FGF14: variants seen among roughly 807,000 people sequenced by gnomAD.
FGF14 encodes fibroblast growth factor 14.
A neutral mutation model predicts 25.5 loss-of-function variants in FGF14; 5 were observed. The ratio of observed to expected loss-of-function variants is 0.20; its 90% CI spans 0.10 to 0.41. FGF14 has a LOEUF of 0.41. FGF14 is among the 10% of genes least tolerant of loss of function. The pLI, the probability that FGF14 is intolerant of heterozygous loss-of-function variation, is 1.00. For missense variants in FGF14, 222 were observed against 320.1 expected (o/e 0.69, Z 2.34); for synonymous variants, 138 against 118.3 (o/e 1.17, Z -1.08).
intron 1 of FGF14, among the ~76,000 whole-genome samples, chr13:102,266,377 A>G (rs1178193610): frequency 6.6e-6 from 1 of 152,150 alleles, no homozygotes; most frequent in African/African-American, 2.4e-5. Flanking sequence ...AGGTCACCAT[A>G]TCAGTGATAA....
chr13:101,774,164 A>G (rs562484921), intron 3 of FGF14, among the ~76,000 whole-genome samples: 1 of 152,256 alleles, frequency 6.6e-6, no homozygotes, highest in Non-Finnish European at 1.5e-5. Flanking sequence ...AGTCTGAAAA[A>G]GCTAAGATTA....
chr13:101,993,613 GTA>G (rs1171740895), intron 1 of FGF14, among the ~76,000 whole-genome samples: 1 of 152,056 alleles, frequency 6.6e-6, no homozygotes, highest in East Asian at 1.9e-4. Context: ...ACAATAAGCA[GTA>G]TTGTGTTATT....
At chr13:102,070,752 G>A (rs1426452682) in intron 1 of FGF14, among the ~76,000 whole-genome samples, 2 of 152,150 alleles carry the variant, frequency 1.3e-5, no homozygotes, top group East Asian at 1.9e-4. Flanking sequence ...TAAGACAAAT[G>A]TGGTATATTT....
chr13:102,124,142 C>G (rs1422953733), intron 1 of FGF14, among the ~76,000 whole-genome samples: 4 of 151,854 alleles, frequency 2.6e-5, no homozygotes, highest in Non-Finnish European at 4.4e-5. Context: ...CAAGGTAGTG[C>G]TATAAAGAGG....
intron 1 of FGF14, among the ~76,000 whole-genome samples, chr13:102,389,959 G>A (rs2058394410): frequency 6.6e-6 from 1 of 152,188 alleles, no homozygotes; most frequent in Non-Finnish European, 1.5e-5. Flanking sequence ...ACCCTTGGTA[G>A]TTCCTGAAAT....
intron 1 of FGF14, among the ~76,000 whole-genome samples, chr13:102,117,350 T>C (rs912486926): frequency 9.2e-5 from 14 of 152,206 alleles, no homozygotes; most frequent in African/African-American, 3.4e-4. Context: ...ACTTGCTCCA[T>C]GTTCTGGGCC....
At position 102,178,372 on chromosome 13, in the gene FGF14, T is replaced by C. The variant is rs188763637; in HGVS notation, c.208+223099A>G. The stretch of plus-strand genomic sequence containing the variant: ...ATCACCTAGATCTCTAATATAACTC[T>C]TGAATATTCACCATTAATTATTTTA... On this transcript the variant is annotated intron_variant, in intron 1 of 4. Transcript: ENST00000376131. Among the ~76,000 whole-genome samples the C allele has an allele frequency of 7.9e-5, 12 of 152,290 alleles. No individual in the cohort carries two copies. The East Asian group carries it at 2.3e-3, about 29-fold the overall frequency.
intron 1 of FGF14, among the ~76,000 whole-genome samples, chr13:101,937,461 T>C (rs1308520255): frequency 2.0e-5 from 3 of 151,990 alleles, no homozygotes; most frequent in Admixed American, 6.6e-5. Context: ...AGATGAAACA[T>C]GTGAAGATGC....
At chr13:102,174,219 C>G (rs945843684) in intron 1 of FGF14, among the ~76,000 whole-genome samples, 2 of 151,130 alleles carry the variant, frequency 1.3e-5, no homozygotes, top group Non-Finnish European at 2.9e-5. Context: ...ACTGCAACCT[C>G]TGTCTCCCAG....
intron 1 of FGF14, among the ~76,000 whole-genome samples, chr13:102,076,741 G>T (rs1595189434): frequency 6.6e-6 from 1 of 152,074 alleles, no homozygotes; most frequent in Admixed American, 6.5e-5. Context: ...CTATCAAAAT[G>T]ACATTTTTCA....
chr13:102,293,228 T>C (rs2051247528), intron 1 of FGF14: 1 of 152,232 alleles, frequency 6.6e-6, no homozygotes, highest in African/African-American at 2.4e-5. Context: ...TTCCTTGCCA[T>C]GCCATCCCTG....
intron 3 of FGF14, among the ~76,000 whole-genome samples, chr13:101,761,601 G>T (rs1043258477): frequency 6.7e-6 from 1 of 149,366 alleles, no homozygotes; most frequent in African/African-American, 2.5e-5. Flanking sequence ...ATAATATATA[G>T]TTTCAAAGAG....
intron 3 of FGF14, among the ~76,000 whole-genome samples, chr13:101,812,004 T>C (rs1442931382): frequency 1.3e-5 from 2 of 152,166 alleles, no homozygotes; most frequent in Non-Finnish European, 2.9e-5. Flanking sequence ...AATTGAAGGA[T>C]GATGTGAAAA....
chr13:102,343,066 C>T (rs1452111771), intron 1 of FGF14, among the ~76,000 whole-genome samples: 1 of 152,086 alleles, frequency 6.6e-6, no homozygotes, highest in Non-Finnish European at 1.5e-5. Context: ...AGAGTAGGCA[C>T]AGTCAATAGT....
upstream of FGF14, among the ~76,000 whole-genome samples, chr13:101,919,119 T>C (rs1188164380): frequency 6.6e-6 from 1 of 152,158 alleles, no homozygotes; most frequent in Non-Finnish European, 1.5e-5. Context: ...TATAGAGAGA[T>C]GAAAATAACT....
Position 101,875,367 on chromosome 13 carries a change from T to G in FGF14, c.194-71A>C, listed in dbSNP as rs2045337571. 7 of 1,079,234 alleles carry G rather than the reference T, an allele frequency of 6.5e-6. 1 individual carries two copies. The South Asian group carries it at 9.0e-5, about 14-fold the overall frequency. 66.9% of individuals were successfully genotyped at this position (1,079,234 alleles called of 1,614,324 possible). A position where few individuals can be genotyped will look rare whatever the true frequency, so the allele number is the denominator to read the frequency against. ...TAGTTTCCTTTATCTTTTCTGTTTC[T>G]CTTTCTTTTTTCAGAAGAGGACATT... On this transcript the variant is annotated intron_variant, in intron 1 of 4. Coordinates refer to ENST00000376143, the MANE Select transcript of FGF14 (RefSeq NM_004115.4).
At chr13:101,834,690 GA>G (rs2042838873) in intron 3 of FGF14, among the ~76,000 whole-genome samples, 1 of 151,890 alleles carries the variant, frequency 6.6e-6, no homozygotes, top group Non-Finnish European at 1.5e-5. Context: ...GAACAATCCA[GA>G]AAAAAAGGTT....
rs1045646395 is a variant in FGF14, at chr13:102,344,154, T to A, written c.208+57317A>T. ...GAAATGATCCTCCATGAATAAATTA[T>A]CCTGCGGCTATGATATTTTTAAAAT... On this transcript the variant is annotated intron_variant, in intron 1 of 4. Transcript: ENST00000376131. 2.0e-5 allele frequency among the ~76,000 whole-genome samples: 3 copies of A among 152,314 alleles called. 1 individual carries two copies.
intron 1 of FGF14, among the ~76,000 whole-genome samples, chr13:102,219,485 A>T (rs1835357438): frequency 6.6e-6 from 1 of 152,206 alleles, no homozygotes; most frequent in South Asian, 2.1e-4. Context: ...TGTAGAATTG[A>T]ACCTTCTGAG....
Sources: gnomAD v4.1 joint callset for allele counts (sites outside exome capture counted in the v4.1 genomes callset) on GRCh38, gnomAD v4.1.1 for gene constraint, MANE v1.5 for transcripts, NCBI Gene and HGNC (gene_info 2026-07-23, HGNC 2026-07-21) for gene names.